Variants in MTSS2 observed in about 807,000 individuals in gnomAD.
The protein encoded by MTSS2 is protein MTSS 2.
MTSS2 carries 27 observed loss-of-function variants against 67.1 expected under a neutral mutation model. The ratio of observed to expected loss-of-function variants is 0.40; its 90% CI spans 0.30 to 0.55. MTSS2 has a LOEUF of 0.55. Among genes scored for constraint, MTSS2 ranks in the 20% least tolerant of loss-of-function variants. MTSS2 has a pLI of 0.43. For missense variants in MTSS2, 1,171 were observed against 1,067.8 expected (o/e 1.10, Z -1.35); for synonymous variants, 624 against 468.6 (o/e 1.33, Z -4.28).
At position 70,663,832 on chromosome 16, in the gene MTSS2, TG is replaced by T; in HGVS notation, c.2088del (p.Thr697LeufsTer71). ...HALGEGQFPF[P>X]TALSATPTEE... ...TCCGTGGGGGTGGCCGACAGAGCAG[TG>T]GGGAAGGGGAACTGGCCCTCACCCA... On this transcript the variant is annotated frameshift_variant, in exon 15 of 15. Transcript: ENST00000338779. LOFTEE classifies it low-confidence loss of function (END_TRUNC). 1 of 1,518,634 alleles carries T rather than the reference TG, an allele frequency of 6.6e-7. No individual in the cohort carries two copies. The allele number at this position is 1,518,634 out of a possible 1,614,324, so 94.1% of individuals were successfully genotyped here.
intron 11 of MTSS2, among the ~76,000 whole-genome samples, chr16:70,667,370 G>A (rs1228965518): frequency 1.3e-5 from 2 of 149,290 alleles, no homozygotes; most frequent in Admixed American, 6.7e-5. Context: ...ATTAGAATTA[G>A]TAAGGGGTTA....
Position 70,661,800 on chromosome 16 carries a change from C to A in MTSS2, c.*1877G>T. On this transcript the variant is annotated 3_prime_UTR_variant, in exon 15 of 15. Coordinates refer to ENST00000338779, the MANE Select transcript of MTSS2 (RefSeq NM_138383.3). ...CTTTCCCATCAGGACCTCTGACGCC[C>A]AGGTCTGCCCACCCACTGCCCCTCA... The A allele has an allele frequency of 5.5e-6, 1 of 181,662 alleles. No individual in the cohort carries two copies. The allele number at this position is 181,662 out of a possible 1,614,324, so 11.3% of individuals were successfully genotyped here.
intron 11 of MTSS2, among the ~76,000 whole-genome samples, chr16:70,668,703 T>C (rs1214504360): frequency 6.6e-6 from 1 of 152,198 alleles, no homozygotes; most frequent in African/African-American, 2.4e-5. Flanking sequence ...TTAAAGGTTT[T>C]AGGGATCTTA....
At position 70,685,793 on chromosome 16, in the gene MTSS2, C is replaced by G; in HGVS notation, c.-2G>C. 7.4e-7 allele frequency: 1 copy of G among 1,355,462 alleles called. No homozygotes were observed. Among genetic ancestry groups the G allele is most frequent in the Non-Finnish European group, 9.7e-7 (1 of 1,034,164 alleles). 84.0% of individuals were successfully genotyped at this position (1,355,462 alleles called of 1,614,324 possible). A position where few individuals can be genotyped will look rare whatever the true frequency, so the allele number is the denominator to read the frequency against. On this transcript the variant is annotated 5_prime_UTR_variant, in exon 1 of 15. Coordinates refer to ENST00000338779, the MANE Select transcript of MTSS2 (RefSeq NM_138383.3). ...GCACTCCTTCTCCGCCGTCTCCATG[C>G]TCTGGCTGGGCCGGGCCGCGGCGGC...
chr16:70,685,674 G>T, intron 1 of MTSS2, 49 bp downstream of exon 1: 1 of 1,142,250 alleles, frequency 8.8e-7, no homozygotes, highest in South Asian at 2.7e-5. Context: ...CGTCCCCGGG[G>T]GGTCCCGCAC....
chr16:70,677,969 A>T, intron 8 of MTSS2, 70 bp from the exon 9 acceptor site: 1 of 1,306,546 alleles, frequency 7.7e-7, no homozygotes, highest in Non-Finnish European at 1.1e-6. Context: ...GCCCCTGGAG[A>T]AGCAGCAGCC....
chr16:70,676,468 T>C (rs2053119209), intron 10 of MTSS2, among the ~76,000 whole-genome samples: 1 of 152,262 alleles, frequency 6.6e-6, no homozygotes, highest in African/African-American at 2.4e-5. Context: ...ACTCTTACTA[T>C]GACCCCACAC....
chr16:70,665,033 G>A lies in MTSS2; in HGVS notation c.1192C>T (p.Arg398Ter), dbSNP rs760354233. 2.5e-6 allele frequency: 4 copies of A among 1,597,178 alleles called. No individual in the cohort carries two copies. Among genetic ancestry groups the A allele is most frequent in the South Asian group, 2.2e-5 (2 of 90,270 alleles). The change falls in exon 13 of 15, where the codon CGA becomes TGA. Residue 398 changes from arginine (R) to a stop codon, truncating the protein, a stop_gained. Transcript: ENST00000338779. LOFTEE classifies it high-confidence loss of function. ...SGATLQRRKD[R>*]VELLRDTEPG... is the part of the protein sequence containing the mutation. ...TCTGTGTCTCGCAGGAGCTCCACTC[G>A]GTCCTTCCTCCGCTGCAGAGTGGCG...
At chr16:70,680,315 G>A (rs760847126) in intron 3 of MTSS2, among the ~76,000 whole-genome samples, 1 of 152,092 alleles carries the variant, frequency 6.6e-6, no homozygotes, top group Non-Finnish European at 1.5e-5. Flanking sequence ...GCCAAAGACC[G>A]TTCCAGGAGC....
At position 70,663,253 on chromosome 16, in the gene MTSS2, C is replaced by T. The variant is rs562879049; in HGVS notation, c.*424G>A. 1.0e-4 allele frequency: 19 copies of T among 180,956 alleles called. No individual in the cohort carries two copies. The East Asian group carries it at 3.0e-3, about 28-fold the overall frequency. The allele number at this position is 180,956 out of a possible 1,614,324, so 11.2% of individuals were successfully genotyped here. ...GAGAAGGCAAGAGGGGAGGAGGGGG[C>T]TCAGGCAGGGGAGAGGGGGGCCAGC... On this transcript the variant is annotated 3_prime_UTR_variant, in exon 15 of 15. Coordinates refer to ENST00000338779, the MANE Select transcript of MTSS2 (RefSeq NM_138383.3).
At chr16:70,671,388 C>T (rs1349163750) in intron 11 of MTSS2, among the ~76,000 whole-genome samples, 6 of 142,186 alleles carry the variant, frequency 4.2e-5, no homozygotes, top group Admixed American at 7.3e-5. Context: ...GGCAATGGAG[C>T]GAGAGTCTGT....
chr16:70,675,106 C>G (rs1391328164), intron 10 of MTSS2, among the ~76,000 whole-genome samples: 1 of 145,610 alleles, frequency 6.9e-6, no homozygotes, highest in South Asian at 2.2e-4. Flanking sequence ...AAGGCTCTGT[C>G]TTGAAAAAAA....
chr16:70,670,831 A>G (rs1411736122), intron 11 of MTSS2, among the ~76,000 whole-genome samples: 6 of 151,974 alleles, frequency 3.9e-5, no homozygotes, highest in Admixed American at 1.3e-4. Context: ...TTAGCCAGGC[A>G]TGATACTGCA....
intron 11 of MTSS2, 124 bp downstream of exon 11, chr16:70,674,182 C>A: frequency 1.3e-6 from 1 of 766,492 alleles, no homozygotes; most frequent in South Asian, 1.8e-5. Flanking sequence ...CCTTGGGGGC[C>A]TTCAGGCCAG....
In MTSS2 at chr16:70,663,586, C is replaced by G. The variant is rs189209956; in HGVS notation, c.*91G>C. The G allele has an allele frequency of 1.3e-4, 184 of 1,451,802 alleles. 1 individual carries two copies. The African/African-American group carries it at 2.4e-3, about 19-fold the overall frequency. The allele number at this position is 1,451,802 out of a possible 1,614,324, so 89.9% of individuals were successfully genotyped here. A position where few individuals can be genotyped will look rare whatever the true frequency, so the allele number is the denominator to read the frequency against. On this transcript the variant is annotated 3_prime_UTR_variant, in exon 15 of 15. Coordinates refer to ENST00000338779, the MANE Select transcript of MTSS2 (RefSeq NM_138383.3). ...CCTCTGCCCTGGCTCTGTCCTCTCT[C>G]CTGGCTGGGCCTTTGCTCTGAGTGC...
intron 1 of MTSS2, among the ~76,000 whole-genome samples, chr16:70,683,465 C>G (rs770277222): frequency 4.6e-5 from 7 of 152,258 alleles, no homozygotes; most frequent in Non-Finnish European, 2.9e-5. Context: ...GTCCAGGTGA[C>G]ATTCCCCACT....
rs2052682396 is a variant in MTSS2 at position 70,665,555 on chromosome 16, C to T, written c.1054-15G>A. 3 of 1,543,840 alleles carry T rather than the reference C, an allele frequency of 1.9e-6. 1 individual carries two copies. In the African/African-American group the frequency reaches 4.1e-5, roughly 21 times the overall value. On this transcript the variant is annotated splice_polypyrimidine_tract_variant and intron_variant, in intron 11 of 14. Transcript: ENST00000338779. The stretch of plus-strand genomic sequence containing the variant: ...CTGGAGGACTTCTGCCATGCAGAGG[C>T]CAGCAGGCGGTTGCAGACAGAGGGG...
intron 1 of MTSS2, among the ~76,000 whole-genome samples, chr16:70,684,407 G>C (rs1312506000): frequency 3.9e-5 from 6 of 152,054 alleles, no homozygotes; most frequent in Admixed American, 2.0e-4. Flanking sequence ...CCGCTAACTG[G>C]GTAGTCCCAG....
At chr16:70,684,444 G>C (rs957602270) in intron 1 of MTSS2, among the ~76,000 whole-genome samples, 14 of 152,124 alleles carry the variant, frequency 9.2e-5, no homozygotes, top group Non-Finnish European at 1.8e-4. Context: ...GCCTCTTCCG[G>C]GGGCAGAGAT....
Sources: gnomAD v4.1 joint callset for allele counts (sites outside exome capture counted in the v4.1 genomes callset) on GRCh38, gnomAD v4.1.1 for gene constraint, MANE v1.5 for transcripts, NCBI Gene and HGNC (gene_info 2026-07-23, HGNC 2026-07-21) for gene names.